The following GORASP2 variants were observed in gnomAD, a reference collection of about 807,000 sequenced individuals.
The protein encoded by GORASP2 is golgi reassembly stacking protein 2, also known as Golgi reassembly-stacking protein 2.
A neutral mutation model predicts 45.7 loss-of-function variants in GORASP2; 22 were observed. The observed-to-expected ratio is 0.48, with a 90% CI of 0.34 to 0.69. The LOEUF is 0.69. Among genes scored for constraint, GORASP2 ranks in the 30% least tolerant of loss-of-function variants. The pLI, the probability that GORASP2 is intolerant of heterozygous loss-of-function variation, is 0.01. For missense variants in GORASP2, 491 were observed against 562.7 expected, an observed-to-expected ratio of 0.87 and a Z score of 1.29; for synonymous variants, 221 against 215.6, an observed-to-expected ratio of 1.02 and a Z score of -0.22.
chr2:170,961,466 A>T (rs1180144174), intron 7 of GORASP2, among the ~76,000 whole-genome samples, 197 bp from the exon 8 acceptor site: 1 of 152,180 alleles, frequency 6.6e-6, no homozygotes, highest in Admixed American at 6.5e-5. Context: ...CTCTGGTAAC[A>T]GCCTTTGTTG....
intron 5 of GORASP2, among the ~76,000 whole-genome samples, chr2:170,953,261 C>T (rs4668350): frequency 0.6 from 90,803 of 151,878 alleles, 28,955 homozygotes; most frequent in East Asian, 0.95. Flanking sequence ...GAGGCTCAGG[C>T]GGGAGGATTG....
At chr2:170,956,612 A>G in intron 7 of GORASP2, 53 bp downstream of exon 7, 1 of 1,495,396 alleles carries the variant, frequency 6.7e-7, no homozygotes, top group Non-Finnish European at 9.1e-7. Context: ...ATATTATTGC[A>G]TAGAATTTTA....
At position 170,950,302 on chromosome 2, in the gene GORASP2, GT is replaced by G; in HGVS notation, c.435+15del. 7.5e-7 allele frequency: 1 copy of G among 1,341,362 alleles called. No homozygotes were observed. The highest frequency in any genetic ancestry group is 1.0e-6 in the Non-Finnish European group (1 of 958,776). The allele number at this position is 1,341,362 out of a possible 1,614,324, so 83.1% of individuals were successfully genotyped here. A position where few individuals can be genotyped will look rare whatever the true frequency, so the allele number is the denominator to read the frequency against. On this transcript the variant is annotated intron_variant, in intron 4 of 9. Coordinates refer to ENST00000234160, the MANE Select transcript of GORASP2 (RefSeq NM_015530.5). The stretch of plus-strand genomic sequence containing the variant: ...CAGTCATGAATGAGGTAATTCGTGT[GT>G]TTATTCATAGTGAGAACTATATAAA...
chr2:170,951,471 T>C lies in GORASP2; in HGVS notation c.566+13T>C, dbSNP rs980542340. ...GTGGAGAAGGCAGGTAAGGTCATTT[T>C]TTAGACTAAGTTATGACTGCTTAAA... On this transcript the variant is annotated intron_variant, in intron 5 of 9. Coordinates refer to ENST00000234160, the MANE Select transcript of GORASP2 (RefSeq NM_015530.5). 5 of 1,596,696 alleles carry C rather than the reference T, an allele frequency of 3.1e-6. No homozygotes were observed. Among genetic ancestry groups the C allele is most frequent in the Non-Finnish European group, 4.3e-6 (5 of 1,171,338 alleles).
chr2:170,938,240 CATT>C (rs1279090801), intron 1 of GORASP2, among the ~76,000 whole-genome samples: 1 of 152,176 alleles, frequency 6.6e-6, no homozygotes, highest in Non-Finnish European at 1.5e-5. Flanking sequence ...CTAGCATTTG[CATT>C]ATTGTGTAGA....
chr2:170,966,308 C>T lies in GORASP2; in HGVS notation c.*178C>T, dbSNP rs1286802360. 1 of 609,688 alleles carries T rather than the reference C, an allele frequency of 1.6e-6. No individual in the cohort carries two copies. Among genetic ancestry groups the T allele is most frequent in the African/African-American group, 1.8e-5 (1 of 54,094 alleles). The allele number at this position is 609,688 out of a possible 1,614,324, so 37.8% of individuals were successfully genotyped here. On this transcript the variant is annotated 3_prime_UTR_variant, in exon 10 of 10. Transcript: ENST00000234160. ...GTATCCTGCCAGGTTGAGTGGGGCT[C>T]ACACGCTAGGGTGAGATGTCAGAAA...
intron 7 of GORASP2, among the ~76,000 whole-genome samples, chr2:170,958,684 A>G (rs200714553): frequency 0.51 from 68,584 of 134,930 alleles, 19,182 homozygotes; most frequent in East Asian, 0.91. Context: ...TAAAAAAAAA[A>G]AAAACAGACT....
chr2:170,944,053 G>A (rs1287646994), intron 1 of GORASP2, among the ~76,000 whole-genome samples: 1 of 152,172 alleles, frequency 6.6e-6, no homozygotes, highest in Admixed American at 6.5e-5. Context: ...ATGTTAAATG[G>A]TCTGTGGAGC....
chr2:170,936,820 T>A (rs1703970172), intron 1 of GORASP2: 1 of 381,618 alleles, frequency 2.6e-6, no homozygotes, highest in African/African-American at 2.1e-5. Flanking sequence ...ACCAAGGACT[T>A]TGAGGCTGCA....
chr2:170,929,495 A>T, intron 1 of GORASP2, 92 bp downstream of exon 1: 1 of 1,038,536 alleles, frequency 9.6e-7, no homozygotes, highest in Non-Finnish European at 1.3e-6. Context: ...TTCACGGGGC[A>T]GCCAGGCCCG....
chr2:170,949,849 A>G, intron 3 of GORASP2, 107 bp downstream of exon 3: 1 of 1,040,050 alleles, frequency 9.6e-7, no homozygotes, highest in Non-Finnish European at 1.5e-6. Context: ...TATTATTAAT[A>G]GGCAATTTTT....
At chr2:170,953,397 T>C (rs1704347887) in intron 5 of GORASP2, among the ~76,000 whole-genome samples, 1 of 151,508 alleles carries the variant, frequency 6.6e-6, no homozygotes, top group Non-Finnish European at 1.5e-5. Context: ...TTAAAAAGGC[T>C]GAAGTTGGCT....
chr2:170,930,070 G>T (rs1703782661), intron 1 of GORASP2: 2 of 234,816 alleles, frequency 8.5e-6, no homozygotes, highest in East Asian at 1.6e-4. Context: ...GATTGCTGAG[G>T]GTGTGGTTTA....
intron 1 of GORASP2, among the ~76,000 whole-genome samples, chr2:170,947,632 C>G (rs566900211): frequency 6.6e-6 from 1 of 152,296 alleles, no homozygotes; most frequent in Admixed American, 6.5e-5. Context: ...ACATACGTGA[C>G]TATGTGCCTG....
intron 1 of GORASP2, among the ~76,000 whole-genome samples, chr2:170,933,504 C>A (rs930925335): frequency 5.3e-5 from 8 of 152,120 alleles, no homozygotes; most frequent in Non-Finnish European, 1.0e-4. Context: ...GCTATACATT[C>A]GCTCAAAATT....
intron 1 of GORASP2, among the ~76,000 whole-genome samples, chr2:170,943,694 A>G (rs1704124818): frequency 6.6e-6 from 1 of 152,148 alleles, no homozygotes. Context: ...TATTTGTGAG[A>G]TGGAGCCTTG....
chr2:170,957,397 C>T (rs1704452187), intron 7 of GORASP2, among the ~76,000 whole-genome samples: 1 of 152,220 alleles, frequency 6.6e-6, no homozygotes, highest in African/African-American at 2.4e-5. Context: ...ATGCCTCAGC[C>T]TCCCAAGTGG....
At chr2:170,946,697 C>T (rs1395521786) in intron 1 of GORASP2, among the ~76,000 whole-genome samples, 1 of 146,810 alleles carries the variant, frequency 6.8e-6, no homozygotes. Context: ...ATTGGGAGGC[C>T]GAGGCGGGCA....
At chr2:170,954,489 A>G (rs571884597) in intron 5 of GORASP2, 161 bp from the exon 6 acceptor site, 1 of 609,256 alleles carries the variant, frequency 1.6e-6, no homozygotes, top group East Asian at 2.8e-5. Context: ...AAAAGAATAG[A>G]AATTTGTTTG....
Sources: allele counts gnomAD v4.1 joint callset (sites outside exome capture counted in the v4.1 genomes callset), GRCh38; gene constraint gnomAD v4.1.1; transcripts MANE v1.5; gene names NCBI Gene and HGNC (gene_info 2026-07-23, HGNC 2026-07-21).